CMSS1: variants seen among roughly 807,000 people sequenced by gnomAD.
CMSS1 encodes the protein cms1 ribosomal small subunit homolog.
Under a neutral mutation model 43.5 loss-of-function variants are expected in CMSS1, and 33 were observed. The observed-to-expected ratio is 0.76, with a 90% confidence interval of 0.57 to 1.01. The LOEUF (loss-of-function observed/expected upper bound fraction) is 1.01. Ranked by LOEUF, CMSS1 falls within the 50% of genes least tolerant of loss-of-function variation. CMSS1 has a pLI of 0.00. For synonymous variants in CMSS1, 115 were observed against 117.2 expected, an observed-to-expected ratio of 0.98 and a Z score of 0.12; for missense variants, 313 against 326.4, an observed-to-expected ratio of 0.96 and a Z score of 0.32.
chr3:99,872,234 C>T (rs1034879288), intron 1 of CMSS1, among the ~76,000 whole-genome samples: 1 of 144,332 alleles, frequency 6.9e-6, no homozygotes, highest in African/African-American at 2.6e-5. Flanking sequence ...TTGCCCCTTC[C>T]AGCTGTAAAA....
chr3:99,845,659 C>A (rs1280164327), intron 1 of CMSS1, among the ~76,000 whole-genome samples: 1 of 152,104 alleles, frequency 6.6e-6, no homozygotes, highest in Non-Finnish European at 1.5e-5. Flanking sequence ...TATAAGAAAT[C>A]TTTTCAAAAT....
chr3:100,172,223 TTTC>T (rs1275953180), intron 7 of CMSS1, 90 bp from the exon 8 acceptor site: 22 of 1,151,888 alleles, frequency 1.9e-5, no homozygotes, highest in Non-Finnish European at 2.7e-5. Flanking sequence ...TGTATTTCAC[TTTC>T]TTAACTTTGA....
At chr3:99,850,438 A>C in intron 1 of CMSS1, 3 of 1,614,056 alleles carry the variant, frequency 1.9e-6, no homozygotes, top group Non-Finnish European at 2.5e-6. Context: ...CTCTAGTTTA[A>C]AGTCTTTACT....
chr3:99,844,088 G>A (rs1454331642), intron 1 of CMSS1, among the ~76,000 whole-genome samples: 1 of 149,394 alleles, frequency 6.7e-6, no homozygotes, highest in East Asian at 2.0e-4. Context: ...TTACCCTCAT[G>A]ATTGTGTGGC....
intron 1 of CMSS1, among the ~76,000 whole-genome samples, chr3:100,020,866 C>T (rs2107227806): frequency 7.4e-6 from 1 of 135,054 alleles, no homozygotes; most frequent in Admixed American, 8.7e-5. Flanking sequence ...CTCCCAGGTT[C>T]AAGTGATTCT....
At chr3:99,983,912 T>C (rs1402329594) in intron 1 of CMSS1, among the ~76,000 whole-genome samples, 1 of 152,090 alleles carries the variant, frequency 6.6e-6, no homozygotes, top group East Asian at 1.9e-4. Context: ...CAAAACAGCC[T>C]AGAGGAAGGC....
At chr3:100,118,292 A>T (rs1430605584) in intron 1 of CMSS1, among the ~76,000 whole-genome samples, 1 of 151,894 alleles carries the variant, frequency 6.6e-6, no homozygotes, top group African/African-American at 2.4e-5. Context: ...TTTCTAGAAA[A>T]TTTAACATAA....
chr3:99,925,302 A>G (rs1436096979), intron 1 of CMSS1, among the ~76,000 whole-genome samples: 1 of 152,206 alleles, frequency 6.6e-6, no homozygotes, highest in African/African-American at 2.4e-5. Context: ...CTATACTTAC[A>G]TCTTTTTTAC....
At chr3:100,048,316 C>T (rs1575987351) in intron 1 of CMSS1, among the ~76,000 whole-genome samples, 2 of 152,234 alleles carry the variant, frequency 1.3e-5, no homozygotes, top group South Asian at 4.1e-4. Context: ...CCAGAGGCCC[C>T]TCATTTCTCC....
At chr3:100,055,626 C>A (rs1473892330) in intron 1 of CMSS1, among the ~76,000 whole-genome samples, 1 of 151,858 alleles carries the variant, frequency 6.6e-6, no homozygotes, top group African/African-American at 2.4e-5. Flanking sequence ...GATTAAAAAC[C>A]ACAGCCAGCA....
At chr3:100,010,650 T>A (rs1396496532) in intron 1 of CMSS1, among the ~76,000 whole-genome samples, 1 of 151,478 alleles carries the variant, frequency 6.6e-6, no homozygotes, top group African/African-American at 2.4e-5. Flanking sequence ...AGTGTCCCTC[T>A]GTCACCCAGG....
At chr3:99,872,008 TA>T (rs1944813186) in intron 1 of CMSS1, among the ~76,000 whole-genome samples, 1 of 152,192 alleles carries the variant, frequency 6.6e-6, no homozygotes, top group Admixed American at 6.5e-5. Context: ...TAATGGATTT[TA>T]TATCTAAATT....
Position 100,160,501 on chromosome 3 carries a change from G to T in CMSS1, c.225G>T (p.Lys75Asn). The change falls in exon 3 of 10, where the codon AAG becomes AAT. Residue 75 changes from lysine (K) to asparagine (N), a missense_variant and splice_region_variant. By Grantham distance (94) the Lys-to-Asn change is moderately conservative. Transcript: ENST00000421999. ...ENTTKTRKRRKKKITDVLAKS... is the reference protein window; with the variant it reads ...ENTTKTRKRRNKKITDVLAKS... ...CCACCAAGACCAGGAAAAGAAGAAA[G>T]GTAATATTAATAATTTCTTAAATTT... 7.0e-7 allele frequency: 1 copy of T among 1,422,426 alleles called. No homozygotes were observed. The highest frequency in any genetic ancestry group is 1.2e-5 in the South Asian group (1 of 85,010). 88.1% of individuals were successfully genotyped at this position (1,422,426 alleles called of 1,614,324 possible).
At chr3:100,075,697 A>C (rs994254791) in intron 1 of CMSS1, 2 of 152,064 alleles carry the variant, frequency 1.3e-5, no homozygotes, top group African/African-American at 2.4e-5. Flanking sequence ...ATTACACAAC[A>C]TGGTAATAAC....
chr3:99,891,309 G>A (rs1706075700), intron 1 of CMSS1, among the ~76,000 whole-genome samples: 1 of 151,976 alleles, frequency 6.6e-6, no homozygotes, highest in Admixed American at 6.5e-5. Flanking sequence ...GCTTTATGTG[G>A]GGCTGGGAGG....
intron 1 of CMSS1, among the ~76,000 whole-genome samples, chr3:99,962,677 T>G (rs894606523): frequency 6.6e-6 from 1 of 152,200 alleles, no homozygotes; most frequent in African/African-American, 2.4e-5. Flanking sequence ...CTGGTCCTGT[T>G]ACAGTAAGAA....
At chr3:100,126,835 A>G (rs1159142850) in intron 1 of CMSS1, among the ~76,000 whole-genome samples, 2 of 151,966 alleles carry the variant, frequency 1.3e-5, no homozygotes, top group Admixed American at 6.5e-5. Flanking sequence ...CGTCTCTACT[A>G]AAAATACAAA....
chr3:99,893,141 G>A (rs1048225779), intron 1 of CMSS1, among the ~76,000 whole-genome samples: 3 of 146,874 alleles, frequency 2.0e-5, no homozygotes, highest in Non-Finnish European at 4.5e-5. Context: ...TCTATTTCCA[G>A]TAACAAAATT....
intron 1 of CMSS1, chr3:100,041,348 A>G (rs2065202371): frequency 6.6e-6 from 1 of 152,200 alleles, no homozygotes; most frequent in South Asian, 2.1e-4. Context: ...GCACTTGAAG[A>G]TGAATGTAAC....
Sources: allele counts gnomAD v4.1 joint callset (sites outside exome capture counted in the v4.1 genomes callset), GRCh38; gene constraint gnomAD v4.1.1; transcripts MANE v1.5; gene names NCBI Gene and HGNC (gene_info 2026-07-23, HGNC 2026-07-21).